The following LRMDA variants were observed in gnomAD, a reference collection of about 807,000 sequenced individuals.
The protein encoded by LRMDA is leucine rich melanocyte differentiation associated.
Under a neutral mutation model 29.8 loss-of-function variants are expected in LRMDA, and 18 were observed. The observed-to-expected ratio is 0.60, with a 90% confidence interval of 0.42 to 0.90. The LOEUF (loss-of-function observed/expected upper bound fraction) is 0.90, where lower values mean the gene tolerates loss of function less well. Among genes scored for constraint, LRMDA ranks in the 40% least tolerant of loss-of-function variants. The probability of loss-of-function intolerance (pLI) is 0.00; values close to 1 mark genes in which losing one functional copy is unlikely to be tolerated. For synonymous variants in LRMDA, 125 were observed against 109.4 expected (o/e 1.14, Z -0.89); for missense variants, 273 against 273.9 (o/e 1.00, Z 0.02).
At chr10:76,396,342 G>A (rs1841783623) in intron 6 of LRMDA, among the ~76,000 whole-genome samples, 1 of 152,214 alleles carries the variant, frequency 6.6e-6, no homozygotes, top group Non-Finnish European at 1.5e-5. Context: ...CAAAGGATCT[G>A]TGGTGATCGG....
At chr10:75,493,940 G>A (rs562608823) in intron 2 of LRMDA, among the ~76,000 whole-genome samples, 2 of 152,182 alleles carry the variant, frequency 1.3e-5, no homozygotes, top group East Asian at 1.9e-4. Flanking sequence ...ATTTTTTAGA[G>A]ACAGGGTCTC....
chr10:76,212,414 A>AT (rs956083391), intron 5 of LRMDA, among the ~76,000 whole-genome samples: 12 of 151,892 alleles, frequency 7.9e-5, no homozygotes, highest in Non-Finnish European at 1.3e-4. Context: ...CACTCAAAAG[A>AT]TTTTTTTTCT....
intron 2 of LRMDA, among the ~76,000 whole-genome samples, chr10:75,849,743 T>C (rs1462774691): frequency 6.6e-6 from 1 of 152,168 alleles, no homozygotes; most frequent in Non-Finnish European, 1.5e-5. Flanking sequence ...ATCCTGTACA[T>C]GTACCCCAAA....
intron 5 of LRMDA, among the ~76,000 whole-genome samples, chr10:76,278,152 T>C (rs1282801230): frequency 6.6e-6 from 1 of 152,216 alleles, no homozygotes; most frequent in Admixed American, 6.5e-5. Context: ...TCTGGCACTG[T>C]CTGGGATGAG....
chr10:76,006,854 C>T (rs1350787321), intron 2 of LRMDA, among the ~76,000 whole-genome samples: 1 of 152,082 alleles, frequency 6.6e-6, no homozygotes, highest in Non-Finnish European at 1.5e-5. Context: ...GTAAGATGAG[C>T]CCCACATTTT....
At chr10:75,492,604 C>T (rs1247232453) in intron 2 of LRMDA, among the ~76,000 whole-genome samples, 2 of 152,150 alleles carry the variant, frequency 1.3e-5, no homozygotes, top group Admixed American at 1.3e-4. Flanking sequence ...TGTAGTGTGA[C>T]TTTGACTATA....
intron 5 of LRMDA, among the ~76,000 whole-genome samples, chr10:76,094,101 C>T (rs1257577071): frequency 6.6e-6 from 1 of 152,152 alleles, no homozygotes; most frequent in Non-Finnish European, 1.5e-5. Flanking sequence ...ATAGGTGGTC[C>T]AGACTTTGGT....
At chr10:76,395,720 A>G (rs1841776086) in intron 6 of LRMDA, among the ~76,000 whole-genome samples, 1 of 152,240 alleles carries the variant, frequency 6.6e-6, no homozygotes, top group African/African-American at 2.4e-5. Flanking sequence ...ATTATTTGAG[A>G]ACTCTCTTTG....
chr10:76,089,806 G>T (rs1344444875), intron 5 of LRMDA, among the ~76,000 whole-genome samples: 1 of 152,118 alleles, frequency 6.6e-6, no homozygotes, highest in African/African-American at 2.4e-5. Flanking sequence ...CATAATGATG[G>T]ATAAATTATA....
chr10:76,139,179 A>G (rs1366357152), intron 5 of LRMDA, among the ~76,000 whole-genome samples: 2 of 152,188 alleles, frequency 1.3e-5, no homozygotes, highest in African/African-American at 4.8e-5. Flanking sequence ...TACATTTACT[A>G]AAAGGACTGG....
chr10:76,272,691 A>G (rs1840082710), intron 5 of LRMDA, among the ~76,000 whole-genome samples: 1 of 152,140 alleles, frequency 6.6e-6, no homozygotes, highest in Non-Finnish European at 1.5e-5. Flanking sequence ...CACTGCTATA[A>G]AGATACTACC....
At chr10:76,532,919 G>T (rs1843250075) in intron 6 of LRMDA, among the ~76,000 whole-genome samples, 1 of 152,108 alleles carries the variant, frequency 6.6e-6, no homozygotes, top group Non-Finnish European at 1.5e-5. Context: ...AGATGAATAT[G>T]ACATGCCTCT....
chr10:75,450,197 C>G (rs1844444874), intron 2 of LRMDA: 1 of 152,208 alleles, frequency 6.6e-6, no homozygotes, highest in African/African-American at 2.4e-5. Flanking sequence ...CCACCCCCAT[C>G]ACTGTCCTAG....
At chr10:76,117,844 G>T (rs1178228473) in intron 5 of LRMDA, among the ~76,000 whole-genome samples, 1 of 152,258 alleles carries the variant, frequency 6.6e-6, no homozygotes. Context: ...GTGGTGAAGT[G>T]GTGATATGTT....
At chr10:76,518,913 T>C (rs549810758) in intron 6 of LRMDA, among the ~76,000 whole-genome samples, 51 of 152,294 alleles carry the variant, frequency 3.3e-4, no homozygotes, top group Middle Eastern at 3.4e-3. Context: ...TCTTAAGCTA[T>C]AAAAGCAAAT....
At chr10:76,288,371 G>T (rs1202372098) in intron 5 of LRMDA, among the ~76,000 whole-genome samples, 1 of 152,128 alleles carries the variant, frequency 6.6e-6, no homozygotes, top group East Asian at 1.9e-4. Flanking sequence ...TAATAGCAAA[G>T]ATATGGAATG....
At chr10:76,207,716 C>T (rs577270467) in intron 5 of LRMDA, among the ~76,000 whole-genome samples, 1 of 152,298 alleles carries the variant, frequency 6.6e-6, no homozygotes, top group East Asian at 1.9e-4. Context: ...GTAATCCCAG[C>T]ACTTTGGGAG....
At position 75,892,312 on chromosome 10, in the gene LRMDA, A is replaced by G. The variant is rs116143677; in HGVS notation, c.132-143696A>G. Among the ~76,000 whole-genome samples, 747 of 152,244 alleles carry G rather than the reference A, an allele frequency of 4.9e-3. 11 individuals are homozygous for G. The highest frequency in any genetic ancestry group is 0.017 in the African/African-American group (712 of 41,552). The stretch of plus-strand genomic sequence containing the variant: ...CACACTAGGGAAACCTGGACTCCAC[A>G]CTGACTGGGATGTCCCTGTCACCTT... On this transcript the variant is annotated intron_variant, in intron 2 of 6. Transcript: ENST00000611255.
chr10:75,990,685 TA>T, intron 2 of LRMDA, among the ~76,000 whole-genome samples: 1 of 152,240 alleles, frequency 6.6e-6, no homozygotes, highest in East Asian at 1.9e-4. Context: ...AAATAAAAAA[TA>T]AGTACTTTGG....
Sources: allele counts gnomAD v4.1 joint callset (sites outside exome capture counted in the v4.1 genomes callset), GRCh38; gene constraint gnomAD v4.1.1; transcripts MANE v1.5; gene names NCBI Gene and HGNC (gene_info 2026-07-23, HGNC 2026-07-21).